SLC4A4: variants seen among roughly 807,000 people sequenced by gnomAD.
SLC4A4 encodes solute carrier family 4 member 4, also known as electrogenic sodium bicarbonate cotransporter 1.
In SLC4A4, 27 loss-of-function variants were observed where a neutral mutation model predicts 111.5. That is an observed-to-expected ratio of 0.24 (90% CI 0.18 to 0.33). The LOEUF is 0.33. SLC4A4 is among the 10% of genes least tolerant of loss of function. SLC4A4 has a pLI of 1.00. For missense variants in SLC4A4, 909 were observed against 1,315.5 expected (o/e 0.69, Z 4.78); for synonymous variants, 443 against 463.4 (o/e 0.96, Z 0.57).
chr4:71,325,392 A>C (rs949488635), intron 3 of SLC4A4, among the ~76,000 whole-genome samples: 3 of 152,178 alleles, frequency 2.0e-5, no homozygotes, highest in Middle Eastern at 3.4e-3. Context: ...AGATTGCTTT[A>C]AAACAATTTT....
intron 14 of SLC4A4, among the ~76,000 whole-genome samples, chr4:71,476,557 C>G (rs922129897): frequency 5.9e-5 from 9 of 151,614 alleles, no homozygotes; most frequent in African/African-American, 2.2e-4. Flanking sequence ...CTAAAGAAAC[C>G]TCTCTTCATG....
chr4:71,343,590 C>A (rs1167970186), intron 4 of SLC4A4, among the ~76,000 whole-genome samples: 1 of 152,256 alleles, frequency 6.6e-6, no homozygotes, highest in East Asian at 1.9e-4. Context: ...TTCTCTACAC[C>A]CAATATCTGA....
chr4:71,269,970 A>G (rs186824705), intron 3 of SLC4A4, among the ~76,000 whole-genome samples: 1 of 152,350 alleles, frequency 6.6e-6, no homozygotes, highest in Non-Finnish European at 1.5e-5. Context: ...TTACCTGAGT[A>G]TAAAGCTTTC....
intron 3 of SLC4A4, among the ~76,000 whole-genome samples, chr4:71,316,663 A>G (rs1339225995): frequency 1.3e-5 from 2 of 152,102 alleles, no homozygotes; most frequent in Non-Finnish European, 2.9e-5. Context: ...TCACGTAGGT[A>G]TTAAGCCCTG....
Position 71,086,359 on chromosome 4 carries a change from A to G in SLC4A4, c.-64-6371A>G, listed in dbSNP as rs527246200. Among the ~76,000 whole-genome samples the G allele has an allele frequency of 3.8e-3, 580 of 151,988 alleles. 3 individuals are homozygous for G. Among genetic ancestry groups the G allele is most frequent in the Non-Finnish European group, 6.3e-3 (431 of 68,012 alleles). ...ATCATGTCATCTGCAAACAGGGACA[A>G]TTTGACTTCCTCTTTTCCTAATTGA... On this transcript the variant is annotated intron_variant, in intron 1 of 26. Coordinates refer to the SLC4A4 transcript ENST00000649996.
chr4:71,305,830 C>A (rs1725637592), intron 3 of SLC4A4, among the ~76,000 whole-genome samples: 1 of 152,140 alleles, frequency 6.6e-6, no homozygotes, highest in Non-Finnish European at 1.5e-5. Context: ...GGAGGAGAGA[C>A]AGACATATGA....
At chr4:71,126,218 T>C (rs1376615699) in intron 2 of SLC4A4, among the ~76,000 whole-genome samples, 6 of 152,212 alleles carry the variant, frequency 3.9e-5, no homozygotes, top group African/African-American at 7.2e-5. Context: ...GCATATTTTA[T>C]CATGCAAGAC....
At chr4:71,353,792 C>T (rs1396622021) in intron 5 of SLC4A4, among the ~76,000 whole-genome samples, 1 of 152,132 alleles carries the variant, frequency 6.6e-6, no homozygotes, top group Non-Finnish European at 1.5e-5. Context: ...CAAACAATAG[C>T]TGCTTTTCAT....
intron 2 of SLC4A4, among the ~76,000 whole-genome samples, chr4:71,095,106 A>T (rs78274702): frequency 0.032 from 4,902 of 152,352 alleles, 232 homozygotes; most frequent in African/African-American, 0.1. Context: ...TTGAAAAAGG[A>T]TTCTAAACTT....
chr4:71,408,510 C>T (rs540049029), intron 7 of SLC4A4, among the ~76,000 whole-genome samples: 1 of 152,208 alleles, frequency 6.6e-6, no homozygotes, highest in Admixed American at 6.5e-5. Context: ...AGGTATCATT[C>T]CTTATCTTTT....
intron 22 of SLC4A4, among the ~76,000 whole-genome samples, chr4:71,559,379 A>C (rs1272512092): frequency 6.6e-6 from 1 of 151,894 alleles, no homozygotes; most frequent in Non-Finnish European, 1.5e-5. Flanking sequence ...TGTATTATTC[A>C]GTTATCTGGG....
At chr4:71,149,153 T>C (rs921892742) in intron 2 of SLC4A4, among the ~76,000 whole-genome samples, 1 of 152,134 alleles carries the variant, frequency 6.6e-6, no homozygotes, top group Non-Finnish European at 1.5e-5. Flanking sequence ...TTAAACAAAG[T>C]AGTTGAAGCC....
chr4:71,317,605 C>T (rs1028115236), intron 3 of SLC4A4, among the ~76,000 whole-genome samples: 2 of 151,954 alleles, frequency 1.3e-5, no homozygotes, highest in Non-Finnish European at 2.9e-5. Context: ...TTTAACATGC[C>T]TCATTTTCAA....
intron 3 of SLC4A4, among the ~76,000 whole-genome samples, chr4:71,272,503 G>C (rs757077009): frequency 5.3e-5 from 8 of 152,196 alleles, no homozygotes; most frequent in Non-Finnish European, 1.2e-4. Flanking sequence ...ACTAGAGGGC[G>C]TCATGTTAAG....
chr4:71,503,299 C>A (rs1731113622), intron 16 of SLC4A4, among the ~76,000 whole-genome samples: 1 of 147,566 alleles, frequency 6.8e-6, no homozygotes, highest in South Asian at 2.2e-4. Context: ...AACTTAATTT[C>A]ATTTACATTC....
chr4:71,388,757 C>T (rs1213651653), intron 6 of SLC4A4, among the ~76,000 whole-genome samples: 5 of 152,092 alleles, frequency 3.3e-5, no homozygotes, highest in Admixed American at 1.3e-4. Context: ...CACTGTGTTG[C>T]TCAGGGTGGT....
At chr4:71,315,627 G>C (rs1726619711) in intron 3 of SLC4A4, among the ~76,000 whole-genome samples, 1 of 151,938 alleles carries the variant, frequency 6.6e-6, no homozygotes, top group South Asian at 2.1e-4. Context: ...CCTTTTATTT[G>C]GGTATTTGGA....
chr4:71,441,047 C>T (rs1271582535), intron 8 of SLC4A4, among the ~76,000 whole-genome samples: 3 of 152,078 alleles, frequency 2.0e-5, no homozygotes, highest in African/African-American at 7.2e-5. Flanking sequence ...AAGGGACAAA[C>T]TATAGTTATC....
chr4:71,349,663 C>A (rs1484543084), intron 4 of SLC4A4, among the ~76,000 whole-genome samples: 1 of 152,100 alleles, frequency 6.6e-6, no homozygotes. Flanking sequence ...AGATATAAAA[C>A]CAAGGATGCT....
Sources: gnomAD v4.1 joint callset for allele counts (sites outside exome capture counted in the v4.1 genomes callset) on GRCh38, gnomAD v4.1.1 for gene constraint, MANE v1.5 for transcripts, NCBI Gene and HGNC (gene_info 2026-07-23, HGNC 2026-07-21) for gene names.